SNX29: variants seen among roughly 807,000 people sequenced by gnomAD.
SNX29 encodes the protein sorting nexin 29.
Under a neutral mutation model 102.1 loss-of-function variants are expected in SNX29, and 78 were observed. The ratio of observed to expected loss-of-function variants is 0.76; its 90% confidence interval spans 0.64 to 0.92. The LOEUF (loss-of-function observed/expected upper bound fraction) is 0.92. Among genes scored for constraint, SNX29 ranks in the 40% least tolerant of loss-of-function variants. The pLI is 0.00. For synonymous variants in SNX29, 580 were observed against 414.5 expected (o/e 1.40, Z -4.85); for missense variants, 1,280 against 1,061.7 (o/e 1.21, Z -2.86).
At chr16:12,555,754 A>T (rs1223450864) in intron 20 of SNX29, among the ~76,000 whole-genome samples, 1 of 151,710 alleles carries the variant, frequency 6.6e-6, no homozygotes, top group Non-Finnish European at 1.5e-5. Flanking sequence ...CCACAACTCC[A>T]ACTAGCCTTC....
intron 4 of SNX29, among the ~76,000 whole-genome samples, chr16:12,035,851 C>T (rs552472746): frequency 6.6e-6 from 1 of 152,216 alleles, no homozygotes; most frequent in East Asian, 1.9e-4. Context: ...TCTGGGATTA[C>T]TTGTTCTTTC....
chr16:12,560,735 C>T (rs140916473), intron 20 of SNX29: 194 of 168,852 alleles, frequency 1.1e-3, no homozygotes, highest in African/African-American at 4.3e-3. Flanking sequence ...ACATCAAAAC[C>T]AACCTCTGCT....
At chr16:12,182,361 G>A (rs1455431138) in intron 13 of SNX29, among the ~76,000 whole-genome samples, 3 of 152,118 alleles carry the variant, frequency 2.0e-5, no homozygotes, top group East Asian at 1.9e-4. Context: ...GCCAGCAAGG[G>A]TGAAATTAAA....
chr16:12,545,227 G>T (rs77425330), intron 20 of SNX29, among the ~76,000 whole-genome samples: 5,931 of 152,308 alleles, frequency 0.039, 216 homozygotes, highest in African/African-American at 0.095. Context: ...CAATGACAGG[G>T]AAAGGGCCTC....
At chr16:12,370,787 C>T (rs1024849421) in intron 16 of SNX29, among the ~76,000 whole-genome samples, 1 of 152,174 alleles carries the variant, frequency 6.6e-6, no homozygotes, top group Non-Finnish European at 1.5e-5. Context: ...CTGTGGGAAC[C>T]AGAGCAGTTT....
chr16:12,027,568 C>T, intron 4 of SNX29, 124 bp downstream of exon 4: 2 of 1,130,024 alleles, frequency 1.8e-6, no homozygotes, highest in Non-Finnish European at 1.2e-6. Flanking sequence ...GGTGTATGGG[C>T]ACAGAAATCC....
intron 18 of SNX29, among the ~76,000 whole-genome samples, chr16:12,414,720 G>GGTAT (rs60894539): frequency 0.096 from 14,615 of 151,924 alleles, 1,145 homozygotes; most frequent in African/African-American, 0.21. Context: ...TTTATTTGTT[G>GGTAT]GTATGTATGT....
intron 13 of SNX29, among the ~76,000 whole-genome samples, chr16:12,131,041 G>A (rs1020795702): frequency 1.3e-5 from 2 of 152,210 alleles, no homozygotes; most frequent in African/African-American, 4.8e-5. Context: ...CTGGGTCAAA[G>A]TGCAGCGCAT....
At chr16:12,135,708 G>C (rs1195382762) in intron 13 of SNX29, 8 of 946,312 alleles carry the variant, frequency 8.5e-6, no homozygotes, top group South Asian at 1.5e-5. Context: ...TTTCATGTAT[G>C]TGAGCCAATA....
intron 15 of SNX29, among the ~76,000 whole-genome samples, chr16:12,338,739 G>A (rs1168314403): frequency 6.6e-6 from 1 of 152,154 alleles, no homozygotes; most frequent in Non-Finnish European, 1.5e-5. Flanking sequence ...GCAGGGGCCT[G>A]GGAGATGAGA....
chr16:12,112,981 G>A (rs1222032903), intron 11 of SNX29, among the ~76,000 whole-genome samples: 3 of 152,086 alleles, frequency 2.0e-5, no homozygotes, highest in Admixed American at 6.5e-5. Context: ...CTGGGACAGC[G>A]TGGTGGACTC....
chr16:12,557,021 C>CCG (rs1555458272), intron 20 of SNX29, among the ~76,000 whole-genome samples: 13 of 42,640 alleles, frequency 3.0e-4, no homozygotes, highest in African/African-American at 1.0e-3. Context: ...ATTTACCCCC[C>CCG]CCCCGCCCCA....
intron 8 of SNX29, 23 bp downstream of exon 8, chr16:12,052,245 G>A (rs750026223): frequency 1.2e-6 from 2 of 1,612,982 alleles, no homozygotes; most frequent in Non-Finnish European, 1.7e-6. Context: ...GTAAGGTGGA[G>A]TCTCACCGTC....
intron 20 of SNX29, among the ~76,000 whole-genome samples, chr16:12,567,733 A>G (rs1041859136): frequency 1.8e-4 from 27 of 152,164 alleles, no homozygotes; most frequent in African/African-American, 6.5e-4. Context: ...TTGCACTGTA[A>G]AACCTGGGCA....
intron 18 of SNX29, among the ~76,000 whole-genome samples, chr16:12,458,309 C>T (rs191990972): frequency 4.0e-4 from 61 of 152,104 alleles, no homozygotes; most frequent in African/African-American, 1.3e-3. Flanking sequence ...TGCATTTCGG[C>T]GGGGGACAGG....
chr16:12,335,719 C>T (rs946155500), intron 15 of SNX29, among the ~76,000 whole-genome samples: 7 of 152,138 alleles, frequency 4.6e-5, no homozygotes, highest in African/African-American at 1.7e-4. Context: ...TGAGAGCAGC[C>T]AATGCTCTTT....
At chr16:12,344,799 C>T (rs1693177586) in intron 15 of SNX29, among the ~76,000 whole-genome samples, 1 of 152,218 alleles carries the variant, frequency 6.6e-6, no homozygotes, top group African/African-American at 2.4e-5. Flanking sequence ...GAGGCCAACG[C>T]TGCGCTGCCT....
intron 14 of SNX29, among the ~76,000 whole-genome samples, chr16:12,247,164 G>A (rs1011130622): frequency 6.6e-5 from 10 of 152,192 alleles, no homozygotes; most frequent in African/African-American, 2.4e-4. Context: ...AGAGAATTCA[G>A]GAAGGCAGAG....
intron 19 of SNX29, among the ~76,000 whole-genome samples, chr16:12,501,605 C>T (rs187052424): frequency 6.6e-6 from 1 of 151,466 alleles, no homozygotes; most frequent in Non-Finnish European, 1.5e-5. Context: ...GCCTGTAGTC[C>T]CAGCTACTTG....
Sources: gnomAD v4.1 joint callset for allele counts (sites outside exome capture counted in the v4.1 genomes callset) on GRCh38, gnomAD v4.1.1 for gene constraint, MANE v1.5 for transcripts, NCBI Gene and HGNC (gene_info 2026-07-23, HGNC 2026-07-21) for gene names.